C13orf42: variants seen among roughly 807,000 people sequenced by gnomAD.
C13orf42 encodes uncharacterized protein C13orf42.
chr13:51,096,571 T>C (rs1046907766), intron 1 of C13orf42, among the ~76,000 whole-genome samples: 23 of 152,348 alleles, frequency 1.5e-4, no homozygotes, highest in Admixed American at 6.5e-4. Context: ...TATTTTACCC[T>C]ACTATATACA....
At chr13:51,122,696 T>C (rs190819612) in intron 1 of C13orf42, among the ~76,000 whole-genome samples, 7 of 152,336 alleles carry the variant, frequency 4.6e-5, no homozygotes, top group East Asian at 3.9e-4. Flanking sequence ...ATTTGACTGA[T>C]AGATCAAGCT....
chr13:51,168,057 T>C (rs1008865293), intron 1 of C13orf42, among the ~76,000 whole-genome samples: 3 of 152,230 alleles, frequency 2.0e-5, no homozygotes, highest in African/African-American at 4.8e-5. Flanking sequence ...GCCTTCCTGA[T>C]AGACTCTCCA....
intron 1 of C13orf42, among the ~76,000 whole-genome samples, chr13:51,136,894 TGTGGCCCAGCTCTC>T (rs1487178354): frequency 3.3e-5 from 5 of 152,214 alleles, no homozygotes; most frequent in Non-Finnish European, 7.3e-5. Context: ...TGAGCAAGGC[TGTGGCCCAGCTCTC>T]ATAAAACTTG....
chr13:51,116,544 C>A (rs187181779), intron 1 of C13orf42, among the ~76,000 whole-genome samples: 1 of 152,340 alleles, frequency 6.6e-6, no homozygotes, highest in East Asian at 1.9e-4. Context: ...GTGTACAACC[C>A]ACACAACAGT....
chr13:51,116,053 T>C (rs1458556340), upstream of C13orf42, among the ~76,000 whole-genome samples: 2 of 150,574 alleles, frequency 1.3e-5, no homozygotes, highest in African/African-American at 4.9e-5. Context: ...TACTTTAACA[T>C]GCTTGGAAAC....
At chr13:51,094,823 G>A (rs1341388774) in intron 1 of C13orf42, among the ~76,000 whole-genome samples, 1 of 151,970 alleles carries the variant, frequency 6.6e-6, no homozygotes, top group Admixed American at 6.6e-5. Flanking sequence ...TGGTTTGGCT[G>A]TGTCCCCACC....
upstream of C13orf42, among the ~76,000 whole-genome samples, chr13:51,115,832 A>C (rs1593540053): frequency 6.6e-6 from 1 of 152,268 alleles, no homozygotes; most frequent in Non-Finnish European, 1.5e-5. Context: ...GTATTGGAAC[A>C]TTTAGCTTTC....
intron 1 of C13orf42, among the ~76,000 whole-genome samples, chr13:51,120,015 C>T (rs1953521569): frequency 6.6e-6 from 1 of 152,016 alleles, no homozygotes; most frequent in Admixed American, 6.6e-5. Flanking sequence ...AGGATTATTA[C>T]CATCAAGGAA....
chr13:51,117,550 T>C (rs1259810784), intron 1 of C13orf42, among the ~76,000 whole-genome samples: 1 of 152,138 alleles, frequency 6.6e-6, no homozygotes, highest in African/African-American at 2.4e-5. Flanking sequence ...AACAGAAAAA[T>C]TGAGTGTGAA....
chr13:51,171,250 C>T (rs371710942), intron 1 of C13orf42, among the ~76,000 whole-genome samples: 9 of 152,080 alleles, frequency 5.9e-5, no homozygotes, highest in East Asian at 1.9e-4. Context: ...GCCGTTTGAC[C>T]CCAATACAAA....
At chr13:51,129,926 T>A (rs1953603848) in intron 1 of C13orf42, among the ~76,000 whole-genome samples, 1 of 152,216 alleles carries the variant, frequency 6.6e-6, no homozygotes, top group Non-Finnish European at 1.5e-5. Flanking sequence ...TTCTATGTCC[T>A]TGGGAACCAT....
rs892442537 is a variant in C13orf42 at position 51,085,329 on chromosome 13, A to G, written c.793T>C (p.Cys265Arg). The G allele has an allele frequency of 2.3e-5, 9 of 398,280 alleles. No individual in the cohort carries two copies. Among genetic ancestry groups the G allele is most frequent in the Admixed American group, 1.3e-4 (3 of 22,698 alleles). 24.7% of individuals were successfully genotyped at this position (398,280 alleles called of 1,614,324 possible). Residue 265 changes from cysteine to arginine, a missense_variant, in exon 3 of 4, where the codon TGC (cysteine) becomes CGC (arginine). By Grantham distance (180) the Cys-to-Arg change is radical. Transcript: ENST00000563710. ...AGCCCAAGCACTTACTCTTTTTTGC[A>G]GGCTTTGGGCTTAAATTTCCAGGTG... ...FNTWKFKPKA[C>R]KKDLGSSRQI...
intron 1 of C13orf42, among the ~76,000 whole-genome samples, chr13:51,104,846 A>G (rs528841918): frequency 6.6e-6 from 1 of 152,126 alleles, no homozygotes; most frequent in Non-Finnish European, 1.5e-5. Flanking sequence ...AAGTAAAATA[A>G]CCCAAGGGCT....
At chr13:51,095,438 AT>A in intron 1 of C13orf42, among the ~76,000 whole-genome samples, 1 of 151,138 alleles carries the variant, frequency 6.6e-6, no homozygotes, top group Non-Finnish European at 1.5e-5. Context: ...CCCCCTCTCT[AT>A]TTCTTCTTCT....
chr13:51,139,799 G>A (rs1953683498), intron 1 of C13orf42, among the ~76,000 whole-genome samples: 5 of 152,158 alleles, frequency 3.3e-5, no homozygotes, highest in Admixed American at 3.3e-4. Flanking sequence ...ATATAATGAA[G>A]AAATCACCAT....
chr13:51,152,363 TA>T (rs1953785339), intron 1 of C13orf42, among the ~76,000 whole-genome samples: 1 of 152,228 alleles, frequency 6.6e-6, no homozygotes, highest in African/African-American at 2.4e-5. Flanking sequence ...ATTTATTTTT[TA>T]AGAGATGGGG....
chr13:51,119,959 A>G (rs545762401), intron 1 of C13orf42, among the ~76,000 whole-genome samples: 1 of 143,930 alleles, frequency 6.9e-6, no homozygotes, highest in South Asian at 2.3e-4. Flanking sequence ...AAGAGATCGG[A>G]GAATCTGGGA....
At chr13:51,142,265 C>T (rs12877424) in intron 1 of C13orf42, among the ~76,000 whole-genome samples, 17,763 of 152,208 alleles carry the variant, frequency 0.12, 1,127 homozygotes, top group African/African-American at 0.13. Context: ...AACTAAGTTC[C>T]TCCCAACGTT....
intron 1 of C13orf42, among the ~76,000 whole-genome samples, chr13:51,118,104 C>T (rs1029490056): frequency 3.9e-5 from 6 of 152,146 alleles, no homozygotes; most frequent in African/African-American, 1.4e-4. Context: ...GATCTTGTGT[C>T]CAGTTCCAAC....
Sources: gnomAD v4.1 joint callset for allele counts (sites outside exome capture counted in the v4.1 genomes callset) on GRCh38, gnomAD v4.1.1 for gene constraint, MANE v1.5 for transcripts, NCBI Gene and HGNC (gene_info 2026-07-23, HGNC 2026-07-21) for gene names.